Variants in ANO10 observed in about 807,000 individuals in gnomAD.
ANO10 encodes the protein anoctamin 10, also known as anoctamin-10.
In ANO10, 77 loss-of-function variants were observed where a neutral mutation model predicts 74.7. The ratio of observed to expected loss-of-function variants is 1.03; its 90% confidence interval spans 0.86 to 1.25. ANO10 has a LOEUF of 1.25. Among genes scored for constraint, ANO10 ranks in the 50% most tolerant of loss-of-function variants. ANO10 has a pLI of 0.00. For missense variants in ANO10, 721 were observed against 778.1 expected (o/e 0.93, Z 0.87); for synonymous variants, 279 against 284.9 (o/e 0.98, Z 0.21).
intron 11 of ANO10, among the ~76,000 whole-genome samples, chr3:43,522,156 G>A (rs187399569): frequency 5.9e-5 from 9 of 152,216 alleles, no homozygotes; most frequent in African/African-American, 1.7e-4. Flanking sequence ...GGGAAATGGA[G>A]AGTCATTGCC....
At chr3:43,493,617 C>A (rs1230451396) in intron 11 of ANO10, among the ~76,000 whole-genome samples, 3 of 151,752 alleles carry the variant, frequency 2.0e-5, no homozygotes, top group East Asian at 1.9e-4. Context: ...GTTAAAAAAA[C>A]ATAAAGGTTA....
chr3:43,381,463 A>G (rs553570940), intron 12 of ANO10, among the ~76,000 whole-genome samples: 25 of 152,240 alleles, frequency 1.6e-4, no homozygotes, highest in Non-Finnish European at 2.9e-4. Flanking sequence ...ACAGTTAAAA[A>G]GGACAAACAG....
At chr3:43,651,040 T>C (rs1475581293) in intron 1 of ANO10, among the ~76,000 whole-genome samples, 2 of 152,216 alleles carry the variant, frequency 1.3e-5, no homozygotes, top group African/African-American at 2.4e-5. Context: ...ACATGTTCCT[T>C]TCAATTAATC....
chr3:43,478,373 A>AC (rs1170554786), intron 11 of ANO10, among the ~76,000 whole-genome samples: 1 of 152,214 alleles, frequency 6.6e-6, no homozygotes, highest in Non-Finnish European at 1.5e-5. Flanking sequence ...CCCAATCCTA[A>AC]CAAACCCTTT....
chr3:43,445,783 T>C (rs2093235802), intron 11 of ANO10, among the ~76,000 whole-genome samples: 1 of 152,110 alleles, frequency 6.6e-6, no homozygotes, highest in South Asian at 2.1e-4. Flanking sequence ...CACTACAACC[T>C]CTGCTTGCCG....
intron 1 of ANO10, among the ~76,000 whole-genome samples, chr3:43,684,773 C>T (rs2084252180): frequency 6.6e-6 from 1 of 152,134 alleles, no homozygotes; most frequent in African/African-American, 2.4e-5. Context: ...GAGTTCATGT[C>T]CTTTGTAGGG....
At chr3:43,533,319 C>G (rs929418876) in intron 11 of ANO10, among the ~76,000 whole-genome samples, 1 of 152,182 alleles carries the variant, frequency 6.6e-6, no homozygotes, top group Non-Finnish European at 1.5e-5. Flanking sequence ...CTCCAAGTAT[C>G]TCTCCTCGAA....
rs368086590 is a variant in ANO10 at position 43,572,063 on chromosome 3, G to A, written c.1218+2746C>T. Among the ~76,000 whole-genome samples, 27 of 152,240 alleles carry A rather than the reference G, an allele frequency of 1.8e-4. No individual in the cohort carries two copies. The South Asian group carries it at 3.7e-3, about 21-fold the overall frequency. ...CAGAGCTGAAGGAACAGCACAGCAC[G>A]TGCACACCTTAAGTTCCCCCACCCA... On this transcript the variant is annotated intron_variant, in intron 7 of 12. Coordinates refer to ENST00000292246, the MANE Select transcript of ANO10 (RefSeq NM_018075.5).
chr3:43,535,457 G>A (rs2078672428), intron 11 of ANO10, among the ~76,000 whole-genome samples: 2 of 151,720 alleles, frequency 1.3e-5, no homozygotes, highest in South Asian at 4.2e-4. Context: ...TGTATTTTTA[G>A]TAGAGACGGG....
intron 12 of ANO10, among the ~76,000 whole-genome samples, chr3:43,431,207 T>C (rs1179287637): frequency 6.6e-6 from 1 of 151,542 alleles, no homozygotes; most frequent in Non-Finnish European, 1.5e-5. Context: ...CAAGTAGCTG[T>C]TACTACAAGC....
At chr3:43,485,207 C>T in intron 11 of ANO10, 2 of 685,112 alleles carry the variant, frequency 2.9e-6, no homozygotes, top group Admixed American at 2.1e-5. Context: ...ACCGGTATTG[C>T]CGGTACATGT....
chr3:43,465,976 T>C (rs2075594275), intron 11 of ANO10, among the ~76,000 whole-genome samples: 1 of 152,176 alleles, frequency 6.6e-6, no homozygotes, highest in Non-Finnish European at 1.5e-5. Flanking sequence ...AGCAAATTGA[T>C]TTTAAAATTC....
intron 11 of ANO10, among the ~76,000 whole-genome samples, chr3:43,540,268 T>A (rs2078897699): frequency 6.6e-6 from 1 of 152,220 alleles, no homozygotes; most frequent in African/African-American, 2.4e-5. Flanking sequence ...GGGCCCTTCC[T>A]CTGAGTAGGA....
intron 11 of ANO10, among the ~76,000 whole-genome samples, chr3:43,487,946 G>C (rs1025732425): frequency 3.3e-5 from 5 of 152,024 alleles, no homozygotes; most frequent in African/African-American, 1.2e-4. Context: ...AACCAAAACA[G>C]CATGGTACTG....
intron 2 of ANO10, among the ~76,000 whole-genome samples, chr3:43,603,813 G>C (rs2082438836): frequency 6.6e-6 from 1 of 152,114 alleles, no homozygotes; most frequent in South Asian, 2.1e-4. Context: ...GTCTTAAGCT[G>C]GTCAGGTTCT....
intron 11 of ANO10, among the ~76,000 whole-genome samples, chr3:43,471,255 G>A (rs772415092): frequency 5.9e-5 from 9 of 152,094 alleles, no homozygotes; most frequent in Non-Finnish European, 1.2e-4. Flanking sequence ...AATTAAAACA[G>A]AAACATTAGG....
At chr3:43,553,539 CTTTTT>C (rs34196766) in intron 10 of ANO10, among the ~76,000 whole-genome samples, 1 of 136,062 alleles carries the variant, frequency 7.3e-6, no homozygotes, top group Non-Finnish European at 1.6e-5. Flanking sequence ...TAATTTCTCT[CTTTTT>C]TTTTTTTTTT....
chr3:43,582,927 AT>A (rs1265532507), intron 4 of ANO10, among the ~76,000 whole-genome samples: 2 of 152,142 alleles, frequency 1.3e-5, no homozygotes, highest in Non-Finnish European at 2.9e-5. Context: ...TTATTTGGGG[AT>A]GTACAGGCTA....
chr3:43,674,787 C>A (rs938840403), intron 1 of ANO10, among the ~76,000 whole-genome samples: 1 of 152,108 alleles, frequency 6.6e-6, no homozygotes, highest in Non-Finnish European at 1.5e-5. Context: ...AAGGATCATC[C>A]CAGTTTGAGT....
Sources: gnomAD v4.1 joint callset for allele counts (sites outside exome capture counted in the v4.1 genomes callset) on GRCh38, gnomAD v4.1.1 for gene constraint, MANE v1.5 for transcripts, NCBI Gene and HGNC (gene_info 2026-07-23, HGNC 2026-07-21) for gene names.